EIF5A: variants seen among roughly 807,000 people sequenced by gnomAD.
The protein encoded by EIF5A is eukaryotic translation initiation factor 5A-1.
A neutral mutation model predicts 16.6 loss-of-function variants in EIF5A; 1 was observed. The ratio of observed to expected loss-of-function variants is 0.06; its 90% CI spans 0.02 to 0.28. The LOEUF (loss-of-function observed/expected upper bound fraction) is 0.28, where lower values mean the gene tolerates loss of function less well. EIF5A is among the 10% of genes least tolerant of loss of function. EIF5A has a pLI of 1.00. For missense variants in EIF5A, 29 were observed against 196.1 expected (o/e 0.15, Z 5.09); for synonymous variants, 80 against 73.6 (o/e 1.09, Z -0.44).
Position 7,307,674 on chromosome 17 carries a change from G to A in EIF5A, c.-100G>A. On this transcript the variant is annotated 5_prime_UTR_variant, in exon 1 of 6. Coordinates refer to ENST00000336458, the MANE Select transcript of EIF5A (RefSeq NM_001970.5). ...AGCGGCGGCGGCGGTAGAGGCGGCGGCGGCGGCGGCAGCGGGCTCGGAGGC... is the reference window on the plus strand; with the variant it reads ...AGCGGCGGCGGCGGTAGAGGCGGCGACGGCGGCGGCAGCGGGCTCGGAGGC... 1 of 1,053,476 alleles carries A rather than the reference G, an allele frequency of 9.5e-7. No individual in the cohort carries two copies. Among genetic ancestry groups the A allele is most frequent in the Non-Finnish European group, 1.1e-6 (1 of 874,306 alleles). 65.3% of individuals were successfully genotyped at this position (1,053,476 alleles called of 1,614,324 possible). A position where few individuals can be genotyped will look rare whatever the true frequency, so the allele number is the denominator to read the frequency against.
chr17:7,310,771 T>A (rs540040781), intron 2 of EIF5A: 1 of 985,406 alleles, frequency 1.0e-6, no homozygotes, highest in East Asian at 1.1e-4. Context: ...GTAACTGTCT[T>A]CTCCAAGCCT....
chr17:7,308,417 T>A lies in EIF5A; in HGVS notation c.-22+665T>A, dbSNP rs1043642376. On this transcript the variant is annotated intron_variant, in intron 1 of 5. Coordinates refer to ENST00000336458, the MANE Select transcript of EIF5A (RefSeq NM_001970.5). ...CGCGGGGAGCTAGTCCTCGCGGGGG[T>A]TCCGAGGGGGCCTGAGATTTTGAGG... 3.1e-6 allele frequency: 4 copies of A among 1,287,944 alleles called. No homozygotes were observed. In the South Asian group the frequency reaches 5.0e-5, roughly 16 times the overall value. 79.8% of individuals were successfully genotyped at this position (1,287,944 alleles called of 1,614,324 possible). A position where few individuals can be genotyped will look rare whatever the true frequency, so the allele number is the denominator to read the frequency against.
At chr17:7,307,233 T>G, upstream of EIF5A, 3 of 1,288,572 alleles carry the variant, frequency 2.3e-6, no homozygotes, top group Non-Finnish European at 3.2e-6. Context: ...ACTGACGGCG[T>G]CTGAGGTGGA....
chr17:7,310,584 C>T, intron 2 of EIF5A: 3 of 1,062,634 alleles, frequency 2.8e-6, no homozygotes, highest in Non-Finnish European at 3.4e-6. Flanking sequence ...TTTCTGATCT[C>T]CCTGCAAGTC....
chr17:7,307,062 G>C (rs1439059529), upstream of EIF5A: 3 of 1,603,260 alleles, frequency 1.9e-6, no homozygotes, highest in African/African-American at 4.0e-5. Context: ...TGGAACTGGG[G>C]GGACTGATTC....
chr17:7,308,699 C>G, intron 1 of EIF5A: 1 of 788,668 alleles, frequency 1.3e-6, no homozygotes, highest in Non-Finnish European at 1.8e-6. Flanking sequence ...GATGAGTTTC[C>G]CACCGTGATA....
At chr17:7,309,939 TCATACC>T (rs1567612038) in intron 2 of EIF5A, 139 bp downstream of exon 2, 3 of 1,561,924 alleles carry the variant, frequency 1.9e-6, no homozygotes, top group Middle Eastern at 3.3e-4. Context: ...CGCTCAGCCT[TCATACC>T]CATTCAGACA....
upstream of EIF5A, chr17:7,307,008 G>C: frequency 6.5e-7 from 1 of 1,547,326 alleles, no homozygotes; most frequent in Non-Finnish European, 8.7e-7. Context: ...GACCACACTA[G>C]CGCGCTAGAA....
At position 7,310,428 on chromosome 17, in the gene EIF5A, T is replaced by G. The variant is rs181631512; in HGVS notation, c.166-590T>G. ...TTCCTGTCTCTTTAGAATTTCAACC[T>G]GATTCGTTCTTGTTGAATTTCTTGT... On this transcript the variant is annotated intron_variant, in intron 2 of 5. Coordinates refer to ENST00000336458, the MANE Select transcript of EIF5A (RefSeq NM_001970.5). The G allele has an allele frequency of 1.3e-5, 15 of 1,179,474 alleles. No individual in the cohort carries two copies. In the East Asian group the frequency reaches 9.2e-4, roughly 72 times the overall value. 73.1% of individuals were successfully genotyped at this position (1,179,474 alleles called of 1,614,324 possible).
At chr17:7,310,497 T>G (rs1382920245) in intron 2 of EIF5A, 1 of 1,171,062 alleles carries the variant, frequency 8.5e-7, no homozygotes, top group African/African-American at 1.6e-5. Flanking sequence ...GACTTGACAT[T>G]GATCTTGGAT....
At chr17:7,307,028 G>A (rs145754624), upstream of EIF5A, 61 of 1,579,262 alleles carry the variant, frequency 3.9e-5, no homozygotes, top group East Asian at 1.0e-3. Context: ...AGAGTGGGGC[G>A]GAAAGACATC....
rs2072811992 is a variant in EIF5A, at chr17:7,311,112, A to G, written c.260A>G (p.Asn87Ser). The G allele has an allele frequency of 1.2e-6, 2 of 1,613,842 alleles. No individual in the cohort carries two copies. The highest frequency in any genetic ancestry group is 1.7e-6 in the Non-Finnish European group (2 of 1,179,822). Residue 87 changes from asparagine to serine, a missense_variant, in exon 3 of 6, where the codon AAT (asparagine) becomes AGT (serine). Asn to Ser is a conservative substitution (Grantham distance 46). Transcript: ENST00000336458. ...HNMDVPNIKR[N>S]DFQLIGIQDG... Reference sequence around the variant, plus strand: ...ATGGATGTCCCCAACATCAAAAGGAATGACTTCCAGGTATGTAGATGGTCT... The same window carrying G: ...ATGGATGTCCCCAACATCAAAAGGAGTGACTTCCAGGTATGTAGATGGTCT...
At chr17:7,309,358 C>T (rs540763645) in intron 1 of EIF5A, among the ~76,000 whole-genome samples, 1 of 152,318 alleles carries the variant, frequency 6.6e-6, no homozygotes, top group Admixed American at 6.5e-5. Context: ...TTCCAGCTCC[C>T]TAGAGCCTTC....
upstream of EIF5A, chr17:7,307,266 C>G: frequency 8.4e-7 from 1 of 1,183,772 alleles, no homozygotes; most frequent in Non-Finnish European, 1.1e-6. Flanking sequence ...GGATTCCGAA[C>G]ACGCATGCGT....
upstream of EIF5A, chr17:7,307,120 G>A: frequency 6.3e-7 from 1 of 1,592,856 alleles, no homozygotes; most frequent in Non-Finnish European, 8.5e-7. Flanking sequence ...AAACGTGTGA[G>A]TCGTTTAAGT....
In EIF5A at chr17:7,310,930, C is replaced by T. The variant is rs935903759; in HGVS notation, c.166-88C>T. On this transcript the variant is annotated intron_variant, in intron 2 of 5. Transcript: ENST00000336458. ...CTTTGCCCCAACAATGTAATTCTGA[C>T]TTCCCTCATCAGGCAAGGTCAATTT... The T allele has an allele frequency of 1.5e-4, 224 of 1,489,980 alleles. 1 individual carries two copies. The highest frequency in any genetic ancestry group is 4.9e-4 in the Middle Eastern group (2 of 4,054). The allele number at this position is 1,489,980 out of a possible 1,614,324, so 92.3% of individuals were successfully genotyped here.
intron 5 of EIF5A, 68 bp downstream of exon 5, chr17:7,311,719 T>G: frequency 6.3e-7 from 1 of 1,592,520 alleles, no homozygotes; most frequent in South Asian, 1.1e-5. Context: ...GCTGTAGTCT[T>G]AATTGTTTCA....
chr17:7,308,114 G>A, intron 1 of EIF5A: 1 of 1,000,880 alleles, frequency 1.0e-6, no homozygotes, highest in Non-Finnish European at 1.2e-6. Flanking sequence ...GCCACGTGAG[G>A]TGGGGGAGGG....
At chr17:7,307,304 G>A (rs2072652277), upstream of EIF5A, 4 of 1,188,568 alleles carry the variant, frequency 3.4e-6, no homozygotes, top group East Asian at 2.7e-5. Flanking sequence ...TCCTTTAGAG[G>A]GTGTGGAGTG....
Sources: gnomAD v4.1 joint callset for allele counts (sites outside exome capture counted in the v4.1 genomes callset) on GRCh38, gnomAD v4.1.1 for gene constraint, MANE v1.5 for transcripts, NCBI Gene and HGNC (gene_info 2026-07-23, HGNC 2026-07-21) for gene names.